The following LRP5 variants were observed in gnomAD, a reference collection of about 807,000 sequenced individuals.
The protein encoded by LRP5 is low-density lipoprotein receptor-related protein 5.
In LRP5, 62 loss-of-function variants were observed where a neutral mutation model predicts 154.1. That is an observed-to-expected ratio of 0.40 (90% CI 0.33 to 0.50). LRP5 has a LOEUF of 0.50. Ranked by LOEUF, LRP5 falls within the 20% of genes least tolerant of loss-of-function variation. The pLI is 0.55. For missense variants in LRP5, 1,915 were observed against 2,336.7 expected (o/e 0.82, Z 3.72); for synonymous variants, 966 against 1,011.5 (o/e 0.96, Z 0.85).
intron 5 of LRP5, among the ~76,000 whole-genome samples, chr11:68,370,013 C>T (rs1591238794): frequency 6.6e-6 from 1 of 152,162 alleles, no homozygotes; most frequent in East Asian, 1.9e-4. Context: ...TGGTGCCAGG[C>T]CCGTGAGAGC....
chr11:68,424,291 G>A (rs1223194601), intron 14 of LRP5, among the ~76,000 whole-genome samples: 1 of 152,226 alleles, frequency 6.6e-6, no homozygotes, highest in African/African-American at 2.4e-5. Flanking sequence ...ATGAAGACGG[G>A]AGCTACAGCC....
chr11:68,368,778 C>T (rs1236118086), intron 5 of LRP5, among the ~76,000 whole-genome samples: 2 of 151,992 alleles, frequency 1.3e-5, no homozygotes, highest in African/African-American at 2.4e-5. Context: ...TCACTTTATG[C>T]ACTGCAGAAG....
chr11:68,437,630 G>A (rs1466010879), intron 19 of LRP5, among the ~76,000 whole-genome samples: 1 of 152,248 alleles, frequency 6.6e-6, no homozygotes, highest in Non-Finnish European at 1.5e-5. Context: ...AGGGACCTGG[G>A]CTGAGAGCTC....
At position 68,438,587 on chromosome 11, in the gene LRP5, C is replaced by A. The variant is rs2153181314; in HGVS notation, c.4253C>A (p.Ala1418Asp). ...GTGGTGTGCCAGCGCTATGCGGGGG[C>A]CAACGGGCCCTTCCCGCACGAGTAT... is the stretch of plus-strand genomic sequence containing the variant. Reference protein sequence around the residue: ...QRVVCQRYAGANGPFPHEYVS... With the variant: ...QRVVCQRYAGDNGPFPHEYVS... Residue 1418 changes from alanine to aspartate, a missense_variant, in exon 20 of 23, where the codon GCC (alanine) becomes GAC (aspartate). Around this residue, in one of 3 missense-constraint regions of LRP5, gnomAD observed 1,094 missense variants for 1,210.1 expected, o/e 0.90. Coordinates refer to ENST00000294304, the MANE Select transcript of LRP5 (RefSeq NM_002335.4). The A allele has an allele frequency of 1.9e-6, 3 of 1,614,026 alleles. No homozygotes were observed. Among genetic ancestry groups the A allele is most frequent in the Non-Finnish European group, 1.7e-6 (2 of 1,179,998 alleles).
intron 5 of LRP5, among the ~76,000 whole-genome samples, chr11:68,377,227 G>A (rs2098637858): frequency 6.6e-6 from 1 of 152,138 alleles, no homozygotes; most frequent in Non-Finnish European, 1.5e-5. Context: ...GGGAGAGGAA[G>A]GGACCCGCCT....
chr11:68,309,005 C>T (rs1393619181), upstream of LRP5, among the ~76,000 whole-genome samples: 1 of 147,222 alleles, frequency 6.8e-6, no homozygotes, highest in East Asian at 2.0e-4. Context: ...GCAATCTCGG[C>T]TCACTGCAAG....
At chr11:68,442,153 A>G (rs2098678539) in intron 21 of LRP5, among the ~76,000 whole-genome samples, 1 of 152,264 alleles carries the variant, frequency 6.6e-6, no homozygotes, top group Non-Finnish European at 1.5e-5. Flanking sequence ...TGTGAGAAAG[A>G]GCACAGACCC....
At chr11:68,314,782 G>A (rs1268855863) in intron 1 of LRP5, among the ~76,000 whole-genome samples, 1 of 152,256 alleles carries the variant, frequency 6.6e-6, no homozygotes, top group Non-Finnish European at 1.5e-5. Context: ...GCCCAGAAGG[G>A]CTGAGTGGGG....
At chr11:68,419,668 G>A (rs144998346) in intron 13 of LRP5, among the ~76,000 whole-genome samples, 18,478 of 151,194 alleles carry the variant, frequency 0.12, 1,381 homozygotes, top group East Asian at 0.2. Flanking sequence ...GCCTCCTCCC[G>A]AGTAGCTGGG....
chr11:68,414,333 C>T (rs979715720), intron 12 of LRP5, among the ~76,000 whole-genome samples: 3 of 152,176 alleles, frequency 2.0e-5, no homozygotes, highest in South Asian at 2.1e-4. Context: ...CTTTCCATAG[C>T]GCTCGTTTAC....
chr11:68,326,793 A>G (rs2098599962), intron 1 of LRP5, among the ~76,000 whole-genome samples: 2 of 152,082 alleles, frequency 1.3e-5, no homozygotes, highest in African/African-American at 4.8e-5. Flanking sequence ...TGTGTAGGAG[A>G]CGTGTGTCTC....
chr11:68,308,735 G>A (rs1473691611), upstream of LRP5, among the ~76,000 whole-genome samples: 1 of 151,912 alleles, frequency 6.6e-6, no homozygotes, highest in East Asian at 1.9e-4. Flanking sequence ...CCAGGCCACA[G>A]CACAGCCCCT....
chr11:68,392,224 C>A (rs1425781697), intron 7 of LRP5, among the ~76,000 whole-genome samples: 1 of 152,170 alleles, frequency 6.6e-6, no homozygotes, highest in East Asian at 1.9e-4. Flanking sequence ...ACAGTTCAGG[C>A]TGGGCGTGGT....
At chr11:68,437,456 G>A (rs950196902) in intron 19 of LRP5, among the ~76,000 whole-genome samples, 1 of 152,244 alleles carries the variant, frequency 6.6e-6, no homozygotes, top group African/African-American at 2.4e-5. Context: ...GTACAGTCAC[G>A]GATATAGGGC....
chr11:68,437,746 G>T (rs1374381305), intron 19 of LRP5, among the ~76,000 whole-genome samples: 1 of 152,252 alleles, frequency 6.6e-6, no homozygotes, highest in Non-Finnish European at 1.5e-5. Flanking sequence ...TCAGGCTTGA[G>T]GCCTGAAGGC....
intron 1 of LRP5, among the ~76,000 whole-genome samples, chr11:68,343,159 C>A (rs1459351590): frequency 6.6e-6 from 1 of 152,234 alleles, no homozygotes; most frequent in African/African-American, 2.4e-5. Context: ...CAGGCCCGGT[C>A]CCCCACCTGC....
chr11:68,371,071 T>C (rs2098633762), intron 5 of LRP5, among the ~76,000 whole-genome samples: 1 of 152,108 alleles, frequency 6.6e-6, no homozygotes, highest in Admixed American at 6.5e-5. Flanking sequence ...GTGCTCGGTG[T>C]GGATGCTGGC....
intron 19 of LRP5, among the ~76,000 whole-genome samples, chr11:68,437,896 G>A (rs962824975): frequency 4.6e-5 from 7 of 152,244 alleles, no homozygotes; most frequent in East Asian, 1.9e-4. Flanking sequence ...CTTCCATTCC[G>A]CTGACTTCAT....
At position 68,386,750 on chromosome 11, in the gene LRP5, A is replaced by G. The variant is rs377032658; in HGVS notation, c.1412+38A>G. 22 of 1,600,544 alleles carry G rather than the reference A, an allele frequency of 1.4e-5. No homozygotes were observed. Among genetic ancestry groups the G allele is most frequent in the Non-Finnish European group, 1.8e-5 (21 of 1,173,120 alleles). ...GGGGCTGGGGCCTGGAGCCAGGGCC[A>G]GGCCAAGCACAGGCGAGAGGGAGAT... On this transcript the variant is annotated intron_variant, in intron 6 of 22. Coordinates refer to ENST00000294304, the MANE Select transcript of LRP5 (RefSeq NM_002335.4). The surrounding 1 kb of genome is among the most constrained non-coding windows in gnomAD (Gnocchi z 7.9).
Sources: gnomAD v4.1 joint callset for allele counts (sites outside exome capture counted in the v4.1 genomes callset) on GRCh38, gnomAD v4.1.1 for gene constraint, gnomAD v4.1.1 regional missense constraint, Gnocchi (gnomAD v3.1) non-coding constraint, MANE v1.5 for transcripts, NCBI Gene and HGNC (gene_info 2026-07-23, HGNC 2026-07-21) for gene names.